The following ARHGEF12 variants were observed in gnomAD, a reference collection of about 807,000 sequenced individuals.
ARHGEF12 encodes the protein Rho guanine nucleotide exchange factor 12, also known as KMT2A/ARHGEF12 fusion protein.
ARHGEF12 carries 66 observed loss-of-function variants against 211.2 expected under a neutral mutation model. The ratio of observed to expected loss-of-function variants is 0.31; its 90% confidence interval spans 0.26 to 0.38. The LOEUF is 0.38. Among genes scored for constraint, ARHGEF12 ranks in the 10% least tolerant of loss-of-function variants. The probability of loss-of-function intolerance (pLI) is 1.00; values close to 1 mark genes in which losing one functional copy is unlikely to be tolerated. For missense variants in ARHGEF12, 1,429 were observed against 1,869.5 expected, an observed-to-expected ratio of 0.76 and a Z score of 4.34; for synonymous variants, 592 against 638.4, an observed-to-expected ratio of 0.93 and a Z score of 1.09.
At position 120,486,271 on chromosome 11, in the gene ARHGEF12, C is replaced by G. The variant is rs1185200987; in HGVS notation, c.*1194C>G. On this transcript the variant is annotated 3_prime_UTR_variant, in exon 41 of 41. Coordinates refer to ENST00000397843, the MANE Select transcript of ARHGEF12 (RefSeq NM_015313.3). ...AAGGGCCCTGAGTCAAAAGGATAGC[C>G]AAGGGTGGAGTGGAAAAAGATATGG... The G allele has an allele frequency of 4.3e-6, 1 of 233,248 alleles. No homozygotes were observed. The highest frequency in any genetic ancestry group is 2.2e-5 in the African/African-American group (1 of 45,300). 14.4% of individuals were successfully genotyped at this position (233,248 alleles called of 1,614,324 possible). A position where few individuals can be genotyped will look rare whatever the true frequency, so the allele number is the denominator to read the frequency against.
chr11:120,461,693 CTG>C (rs1946538632), intron 27 of ARHGEF12, among the ~76,000 whole-genome samples: 1 of 152,208 alleles, frequency 6.6e-6, no homozygotes, highest in Non-Finnish European at 1.5e-5. Context: ...CATTGAATAT[CTG>C]TTGTTCAGTG....
At chr11:120,351,672 T>C (rs906330913) in intron 1 of ARHGEF12, among the ~76,000 whole-genome samples, 5 of 151,544 alleles carry the variant, frequency 3.3e-5, no homozygotes, top group Non-Finnish European at 5.9e-5. Context: ...GGTTTCACCA[T>C]GTTGGCCAGG....
chr11:120,449,343 C>T (rs1946136130), intron 21 of ARHGEF12, 129 bp downstream of exon 21: 1 of 705,426 alleles, frequency 1.4e-6, no homozygotes, highest in East Asian at 2.7e-5. Context: ...CCCAATATGC[C>T]TTGTTTCCAT....
At chr11:120,435,121 G>C (rs1945655250) in intron 11 of ARHGEF12, among the ~76,000 whole-genome samples, 1 of 151,976 alleles carries the variant, frequency 6.6e-6, no homozygotes, top group African/African-American at 2.4e-5. Context: ...ATCCAGTCAA[G>C]GCTTTCATAT....
chr11:120,421,707 C>G, intron 5 of ARHGEF12, 96 bp from the exon 6 acceptor site: 1 of 1,156,394 alleles, frequency 8.6e-7, no homozygotes, highest in Non-Finnish European at 1.3e-6. Context: ...AAGGACAGCC[C>G]ATGTTTTTAA....
intron 1 of ARHGEF12, among the ~76,000 whole-genome samples, chr11:120,393,322 C>T (rs1288804591): frequency 6.6e-6 from 1 of 152,038 alleles, no homozygotes; most frequent in African/African-American, 2.4e-5. Flanking sequence ...AGATGATAGA[C>T]TTAAATACAT....
At chr11:120,343,768 T>A (rs1942608785) in intron 1 of ARHGEF12, among the ~76,000 whole-genome samples, 1 of 152,212 alleles carries the variant, frequency 6.6e-6, no homozygotes, top group South Asian at 2.1e-4. Context: ...CTGGTTTTAG[T>A]TAATGCTTTC....
intron 38 of ARHGEF12, among the ~76,000 whole-genome samples, chr11:120,480,784 A>G (rs1947211170): frequency 6.6e-6 from 1 of 152,202 alleles, no homozygotes; most frequent in Non-Finnish European, 1.5e-5. Flanking sequence ...CAGGGTGATC[A>G]GGGATTAGGA....
intron 29 of ARHGEF12, among the ~76,000 whole-genome samples, chr11:120,468,334 G>A (rs992308532): frequency 1.3e-5 from 2 of 152,208 alleles, no homozygotes; most frequent in Admixed American, 1.3e-4. Flanking sequence ...TAATATATCT[G>A]CTCAGTGTAG....
intron 4 of ARHGEF12, among the ~76,000 whole-genome samples, chr11:120,419,150 C>G (rs1342409626): frequency 6.6e-6 from 1 of 151,814 alleles, no homozygotes; most frequent in Non-Finnish European, 1.5e-5. Flanking sequence ...TTAGTAGAGA[C>G]AGGGTTTCAC....
chr11:120,400,398 A>C (rs778780463), intron 1 of ARHGEF12, among the ~76,000 whole-genome samples: 1 of 152,120 alleles, frequency 6.6e-6, no homozygotes, highest in Non-Finnish European at 1.5e-5. Context: ...ATAAGCATGA[A>C]TTTGGTGGTT....
chr11:120,387,779 A>G (rs1203277575), intron 1 of ARHGEF12, among the ~76,000 whole-genome samples: 1 of 152,170 alleles, frequency 6.6e-6, no homozygotes, highest in Admixed American at 6.5e-5. Flanking sequence ...GTGTCACTGT[A>G]TAGTCTCAAA....
intron 1 of ARHGEF12, among the ~76,000 whole-genome samples, chr11:120,365,324 TA>T (rs2135383058): frequency 6.6e-6 from 1 of 152,278 alleles, no homozygotes; most frequent in South Asian, 2.1e-4. Context: ...TTGGAAGGAA[TA>T]ATTCTTGAGA....
At chr11:120,468,591 G>A (rs770261436) in intron 29 of ARHGEF12, among the ~76,000 whole-genome samples, 1 of 152,158 alleles carries the variant, frequency 6.6e-6, no homozygotes, top group Non-Finnish European at 1.5e-5. Context: ...TGGGATTACA[G>A]GCGCACGCCA....
intron 14 of ARHGEF12, 90 bp from the exon 15 acceptor site, chr11:120,442,014 G>A (rs1479221113): frequency 4.2e-6 from 4 of 961,770 alleles, no homozygotes; most frequent in Non-Finnish European, 6.2e-6. Context: ...TGACCTACCT[G>A]TTCCAGACAT....
Position 120,395,148 on chromosome 11 carries a change from A to AT in ARHGEF12, c.33-10966dup, listed in dbSNP as rs747734157. 1.8e-4 allele frequency among the ~76,000 whole-genome samples: 28 copies of AT among 151,880 alleles called. 2 individuals are homozygous for AT. In the South Asian group the frequency reaches 2.7e-3, roughly 15 times the overall value. Reference sequence around the variant, plus strand: ...CAATTTAGATGGAATGTGGTTGGTAATTTTATAAATTCCAACAATATATAT... The same window carrying AT: ...CAATTTAGATGGAATGTGGTTGGTAATTTTTATAAATTCCAACAATATATAT... On this transcript the variant is annotated intron_variant, in intron 1 of 40. Transcript: ENST00000397843.
intron 2 of ARHGEF12, among the ~76,000 whole-genome samples, chr11:120,406,695 A>G (rs1944715328): frequency 6.6e-6 from 1 of 152,162 alleles, no homozygotes; most frequent in Non-Finnish European, 1.5e-5. Flanking sequence ...AGTAGCTGGG[A>G]CTACAGGCGC....
chr11:120,360,284 T>G (rs185122462), intron 1 of ARHGEF12, among the ~76,000 whole-genome samples: 1 of 152,364 alleles, frequency 6.6e-6, no homozygotes, highest in African/African-American at 2.4e-5. Context: ...TTTATCCTGC[T>G]GACTGTTTCC....
At chr11:120,374,858 CT>C (rs1390982770) in intron 1 of ARHGEF12, among the ~76,000 whole-genome samples, 2 of 152,108 alleles carry the variant, frequency 1.3e-5, no homozygotes. Flanking sequence ...TAACATAGCT[CT>C]ATTAAATTAA....
Sources: gnomAD v4.1 joint callset for allele counts (sites outside exome capture counted in the v4.1 genomes callset) on GRCh38, gnomAD v4.1.1 for gene constraint, MANE v1.5 for transcripts, NCBI Gene and HGNC (gene_info 2026-07-23, HGNC 2026-07-21) for gene names.